PAK5: variants seen among roughly 807,000 people sequenced by gnomAD.
The protein encoded by PAK5 is serine/threonine-protein kinase PAK 5.
A neutral mutation model predicts 65.9 loss-of-function variants in PAK5; 16 were observed. The ratio of observed to expected loss-of-function variants is 0.24; its 90% CI spans 0.16 to 0.37. The LOEUF is 0.37. Among genes scored for constraint, PAK5 ranks in the 10% least tolerant of loss-of-function variants. PAK5 has a pLI of 1.00. For missense variants in PAK5, 785 were observed against 903.9 expected (o/e 0.87, Z 1.69); for synonymous variants, 371 against 354.9 (o/e 1.05, Z -0.51).
chr20:9,619,708 C>T (rs1209178776), intron 3 of PAK5, among the ~76,000 whole-genome samples: 1 of 152,224 alleles, frequency 6.6e-6, no homozygotes, highest in East Asian at 1.9e-4. Flanking sequence ...TTACCTCTTC[C>T]TATTTTTCCT....
chr20:9,610,973 G>A (rs748285001), intron 3 of PAK5, among the ~76,000 whole-genome samples: 6 of 152,204 alleles, frequency 3.9e-5, no homozygotes, highest in Non-Finnish European at 7.3e-5. Flanking sequence ...TCATTCAAAT[G>A]GACATCTCGG....
At chr20:9,806,132 T>TTTTATTTATTTA (rs34085540) in intron 1 of PAK5, among the ~76,000 whole-genome samples, 52 of 146,106 alleles carry the variant, frequency 3.6e-4, no homozygotes, top group Middle Eastern at 3.8e-3. Flanking sequence ...GCCCAGCTAA[T>TTTTATTTATTTA]TTTATTTATT....
chr20:9,656,654 C>T (rs150442085), intron 2 of PAK5, among the ~76,000 whole-genome samples: 88 of 152,222 alleles, frequency 5.8e-4, no homozygotes, highest in Non-Finnish European at 1.1e-3. Flanking sequence ...CTTAATGGGG[C>T]AAATTACTTA....
intron 3 of PAK5, among the ~76,000 whole-genome samples, chr20:9,619,431 C>G (rs1424981235): frequency 1.7e-4 from 26 of 152,230 alleles, no homozygotes. Flanking sequence ...CCACACTTCT[C>G]TTACCCCTTT....
At chr20:9,678,081 T>C (rs1329631313) in intron 2 of PAK5, among the ~76,000 whole-genome samples, 1 of 152,240 alleles carries the variant, frequency 6.6e-6, no homozygotes, top group East Asian at 1.9e-4. Flanking sequence ...ACCAATCCTC[T>C]CTACCTTCTC....
At chr20:9,711,648 G>A (rs1322046878) in intron 1 of PAK5, among the ~76,000 whole-genome samples, 14 of 152,138 alleles carry the variant, frequency 9.2e-5, no homozygotes, top group Non-Finnish European at 1.5e-5. Flanking sequence ...TACCTTGGCT[G>A]CTTCTGTACC....
intron 1 of PAK5, among the ~76,000 whole-genome samples, chr20:9,779,069 G>A (rs1427018835): frequency 3.3e-5 from 5 of 152,006 alleles, no homozygotes; most frequent in Admixed American, 2.6e-4. Context: ...AATGAACAGT[G>A]CCTAGTACAG....
intron 2 of PAK5, among the ~76,000 whole-genome samples, chr20:9,654,446 A>T (rs67599412): frequency 6.6e-6 from 1 of 151,958 alleles, no homozygotes; most frequent in African/African-American, 2.4e-5. Flanking sequence ...CTTGCTGGAG[A>T]TGTCTACCAC....
intron 1 of PAK5, among the ~76,000 whole-genome samples, chr20:9,796,426 T>C (rs1483768186): frequency 6.6e-6 from 1 of 152,102 alleles, no homozygotes; most frequent in Non-Finnish European, 1.5e-5. Context: ...AGAGAGACTT[T>C]GCTTCCAGGA....
intron 1 of PAK5, among the ~76,000 whole-genome samples, chr20:9,725,015 A>G (rs2035437365): frequency 6.6e-6 from 1 of 152,144 alleles, no homozygotes. Flanking sequence ...TAACCCATAA[A>G]TATATACACT....
chr20:9,622,149 G>A (rs73247456), intron 3 of PAK5, among the ~76,000 whole-genome samples: 1,827 of 152,150 alleles, frequency 0.012, 35 homozygotes, highest in African/African-American at 0.041. Flanking sequence ...AAATATATAC[G>A]TGATTATATG....
intron 7 of PAK5, among the ~76,000 whole-genome samples, chr20:9,553,267 A>G (rs2045457630): frequency 6.6e-6 from 1 of 152,140 alleles, no homozygotes; most frequent in African/African-American, 2.4e-5. Context: ...TAACCAAGGG[A>G]AGGCTAGTTA....
At chr20:9,773,432 C>T (rs1043238010) in intron 1 of PAK5, among the ~76,000 whole-genome samples, 5 of 151,984 alleles carry the variant, frequency 3.3e-5, no homozygotes, top group African/African-American at 1.2e-4. Context: ...TGTTCCCCTT[C>T]CTGTGTCCAA....
chr20:9,821,352 G>C (rs1226287769), intron 1 of PAK5, among the ~76,000 whole-genome samples: 1 of 152,158 alleles, frequency 6.6e-6, no homozygotes, highest in Non-Finnish European at 1.5e-5. Flanking sequence ...CTGCACTCCA[G>C]CCTGGGCAAC....
At chr20:9,793,734 G>A (rs185123730) in intron 1 of PAK5, among the ~76,000 whole-genome samples, 1 of 152,228 alleles carries the variant, frequency 6.6e-6, no homozygotes, top group East Asian at 1.9e-4. Flanking sequence ...GTTGATGAGT[G>A]TAAATTAGTC....
chr20:9,742,054 A>C (rs986553141), intron 1 of PAK5, among the ~76,000 whole-genome samples: 3 of 152,250 alleles, frequency 2.0e-5, no homozygotes, highest in African/African-American at 7.2e-5. Context: ...TTCTTAAGGC[A>C]CAGAGCAGGG....
At chr20:9,723,091 C>T (rs1486431687) in intron 1 of PAK5, among the ~76,000 whole-genome samples, 4 of 152,120 alleles carry the variant, frequency 2.6e-5, no homozygotes, top group Admixed American at 6.6e-5. Flanking sequence ...AAGCCATTGA[C>T]GAGCGTGGAG....
rs1345841620 is a variant in PAK5, at chr20:9,539,590, C to G, written c.2032G>C (p.Asp678His). 1 of 1,613,574 alleles carries G rather than the reference C, an allele frequency of 6.2e-7. No individual in the cohort carries two copies. Among genetic ancestry groups the G allele is most frequent in the East Asian group, 2.2e-5 (1 of 44,880 alleles). ...GAGGGCTCCCTCACCAACATCAAGT[C>G]TAGGAATCCCCGGAGCACTGAAGAA... ...KVSSVLRGFLDLMLVREPSQR... is the reference protein window; with the variant it reads ...KVSSVLRGFLHLMLVREPSQR... The change falls in exon 10 of 10, where the codon GAC (aspartate) becomes CAC (histidine). Residue 678 changes from aspartate to histidine, a missense_variant. This residue lies in a region of PAK5 where 110 missense variants were observed against 107.4 expected (regional missense o/e 1.02). Coordinates refer to ENST00000353224, the MANE Select transcript of PAK5 (RefSeq NM_177990.4).
intron 1 of PAK5, among the ~76,000 whole-genome samples, chr20:9,823,504 T>A (rs1410443394): frequency 6.6e-6 from 1 of 152,146 alleles, no homozygotes; most frequent in African/African-American, 2.4e-5. Context: ...TGAATAAGTC[T>A]CACAGATCTG....
Sources: allele counts gnomAD v4.1 joint callset (sites outside exome capture counted in the v4.1 genomes callset), GRCh38; gene constraint gnomAD v4.1.1; regional missense constraint gnomAD v4.1.1; transcripts MANE v1.5; gene names NCBI Gene and HGNC (gene_info 2026-07-23, HGNC 2026-07-21).